Variants in PLCH1 observed in about 807,000 individuals in gnomAD.
PLCH1 encodes 1-phosphatidylinositol 4,5-bisphosphate phosphodiesterase eta-1.
A neutral mutation model predicts 126.7 loss-of-function variants in PLCH1; 60 were observed. The ratio of observed to expected loss-of-function variants is 0.47; its 90% confidence interval spans 0.38 to 0.59. The LOEUF (loss-of-function observed/expected upper bound fraction) is 0.59. Ranked by LOEUF, PLCH1 falls within the 20% of genes least tolerant of loss-of-function variation. The pLI is 0.00. For synonymous variants in PLCH1, 719 were observed against 734.9 expected (o/e 0.98, Z 0.35); for missense variants, 1,723 against 2,040.0 (o/e 0.84, Z 2.99).
Position 155,488,736 on chromosome 3 carries a change from G to A in PLCH1, c.2463C>T (p.Phe821=). The change falls in exon 20 of 23, where the codon TTC becomes TTT. Residue 821 remains phenylalanine (F), a synonymous_variant. Coordinates refer to ENST00000460012, the MANE Select transcript of PLCH1 (RefSeq NM_014996.4). ...CAATGGGATCGTGATCCCACACAAG[G>A]AACCGAACCAAAGCTATTTCTGGCA... ...VHMPEIALVR[F]LVWDHDPIGR... is the part of the protein sequence containing the mutation. 1 of 1,613,862 alleles carries A rather than the reference G, an allele frequency of 6.2e-7. No individual in the cohort carries two copies. The highest frequency in any genetic ancestry group is 8.5e-7 in the Non-Finnish European group (1 of 1,179,846).
chr3:155,712,366 A>C (rs530821955), intron 1 of PLCH1, among the ~76,000 whole-genome samples: 4 of 152,350 alleles, frequency 2.6e-5, no homozygotes, highest in Non-Finnish European at 5.9e-5. Flanking sequence ...TAAGCAAAGC[A>C]AAACACAAAA....
downstream of PLCH1, among the ~76,000 whole-genome samples, chr3:155,476,164 C>G (rs1035146653): frequency 4.6e-5 from 7 of 152,132 alleles, no homozygotes; most frequent in Admixed American, 3.3e-4. Flanking sequence ...GCAAATCAAT[C>G]AGTATGATAC....
chr3:155,626,863 C>G (rs1737372169), intron 2 of PLCH1, among the ~76,000 whole-genome samples: 2 of 148,584 alleles, frequency 1.3e-5, no homozygotes, highest in African/African-American at 2.5e-5. Context: ...AAACAATAGG[C>G]TAGGAGAACA....
At position 155,564,124 on chromosome 3, in the gene PLCH1, A is replaced by T. The variant is rs184945326; in HGVS notation, c.1069+791T>A. Among the ~76,000 whole-genome samples the T allele has an allele frequency of 4.2e-3, 636 of 151,382 alleles. 1 individual carries two copies. The highest frequency in any genetic ancestry group is 7.1e-3 in the Admixed American group (108 of 15,270). On this transcript the variant is annotated intron_variant, in intron 8 of 22. Coordinates refer to ENST00000460012, the MANE Select transcript of PLCH1 (RefSeq NM_014996.4). ...TACCATGCCTGGTTTATATTATTTT[A>T]TAAAAAAAATGTTCATCCCTTCTAC...
intron 21 of PLCH1, among the ~76,000 whole-genome samples, chr3:155,473,325 A>T (rs1295638010): frequency 2.0e-5 from 3 of 152,296 alleles, no homozygotes; most frequent in Admixed American, 2.0e-4. Flanking sequence ...CCCATTCACA[A>T]TTGCTTCAAA....
At chr3:155,739,880 G>A (rs1399632491) in intron 1 of PLCH1, among the ~76,000 whole-genome samples, 1 of 152,140 alleles carries the variant, frequency 6.6e-6, no homozygotes, top group African/African-American at 2.4e-5. Flanking sequence ...GTGCCATCAC[G>A]TTAGGAATAC....
At chr3:155,561,501 T>C (rs1727612941) in intron 8 of PLCH1, among the ~76,000 whole-genome samples, 1 of 151,778 alleles carries the variant, frequency 6.6e-6, no homozygotes, top group Non-Finnish European at 1.5e-5. Context: ...CCATGGTGTA[T>C]ATGTGCCACA....
In PLCH1 at chr3:155,485,510, C is replaced by T. The variant is rs902464897; in HGVS notation, c.2820G>A (p.Glu940=). The part of the protein sequence containing the change: ...EMVEIKDSVS[E]ATRDQDGVLR... ...GCACGCCATCTTGATCTCTTGTGGC[C>T]TCGGACACAGAATCCTTTATCTCCA... Residue 940 remains glutamate (E), a synonymous_variant, in exon 22 of 23, where the codon GAG becomes GAA. Coordinates refer to ENST00000460012, the MANE Select transcript of PLCH1 (RefSeq NM_014996.4). 6.2e-7 allele frequency: 1 copy of T among 1,614,178 alleles called. No homozygotes were observed. Among genetic ancestry groups the T allele is most frequent in the South Asian group, 1.1e-5 (1 of 91,080 alleles).
At chr3:155,720,567 A>T (rs934132803) in intron 1 of PLCH1, among the ~76,000 whole-genome samples, 2 of 151,360 alleles carry the variant, frequency 1.3e-5, no homozygotes, top group African/African-American at 4.8e-5. Context: ...TGATGGGATT[A>T]TTTGTTTTTT....
chr3:155,464,271 G>A (rs917292245), intron 21 of PLCH1, among the ~76,000 whole-genome samples: 2 of 152,284 alleles, frequency 1.3e-5, no homozygotes, highest in African/African-American at 4.8e-5. Flanking sequence ...CCAGGCTGCA[G>A]AAACACAAAT....
intron 2 of PLCH1, among the ~76,000 whole-genome samples, chr3:155,631,618 A>G (rs560116891): frequency 8.5e-5 from 13 of 152,350 alleles, no homozygotes; most frequent in Non-Finnish European, 1.8e-4. Flanking sequence ...CAGCACTCCA[A>G]TTGCTGATAA....
At chr3:155,659,201 A>C (rs764375431) in intron 2 of PLCH1, among the ~76,000 whole-genome samples, 7 of 150,368 alleles carry the variant, frequency 4.7e-5, no homozygotes, top group Non-Finnish European at 1.0e-4. Context: ...TCAGGACAAG[A>C]GATGATGTCT....
intron 2 of PLCH1, among the ~76,000 whole-genome samples, chr3:155,610,017 G>T (rs948421505): frequency 6.6e-6 from 1 of 152,094 alleles, no homozygotes; most frequent in African/African-American, 2.4e-5. Flanking sequence ...TAGAGAGCTA[G>T]ACATCCAAAT....
At chr3:155,666,938 G>T (rs1404361782) in intron 2 of PLCH1, among the ~76,000 whole-genome samples, 1 of 150,988 alleles carries the variant, frequency 6.6e-6, no homozygotes, top group Admixed American at 6.6e-5. Context: ...GTGCATGTGT[G>T]TGTAAGACAG....
At chr3:155,655,532 A>C (rs955052050) in intron 2 of PLCH1, among the ~76,000 whole-genome samples, 1 of 152,176 alleles carries the variant, frequency 6.6e-6, no homozygotes, top group Non-Finnish European at 1.5e-5. Flanking sequence ...CACTTTCAGA[A>C]TTCTCGCAGA....
chr3:155,602,932 C>A (rs1035283987), intron 2 of PLCH1, among the ~76,000 whole-genome samples: 7 of 152,130 alleles, frequency 4.6e-5, no homozygotes, highest in Non-Finnish European at 1.0e-4. Context: ...TTTGAAAGGA[C>A]CAACAGGCAA....
Position 155,732,032 on chromosome 3 carries a change from C to A in PLCH1, c.-41+12808G>T, listed in dbSNP as rs183933608. Among the ~76,000 whole-genome samples the A allele has an allele frequency of 4.4e-5, 6 of 136,618 alleles. No individual in the cohort carries two copies. In the East Asian group the frequency reaches 1.3e-3, roughly 29 times the overall value. The allele number at this position is 136,618 out of a possible 152,430, so 89.6% of individuals were successfully genotyped here. A position where few individuals can be genotyped will look rare whatever the true frequency, so the allele number is the denominator to read the frequency against. On this transcript the variant is annotated intron_variant, in intron 1 of 22. Coordinates refer to ENST00000460012, the MANE Select transcript of PLCH1 (RefSeq NM_014996.4). The stretch of plus-strand genomic sequence containing the variant: ...AGTCAGGGAAACATGACACCTCCAA[C>A]TGAACAAAATAAAACACTACTAACC...
At chr3:155,526,755 A>G (rs569625445) in intron 10 of PLCH1, among the ~76,000 whole-genome samples, 1 of 152,236 alleles carries the variant, frequency 6.6e-6, no homozygotes, top group East Asian at 1.9e-4. Context: ...GCTAAGCCAC[A>G]CCCAGGTTCC....
At chr3:155,529,804 T>C (rs1251219164) in intron 10 of PLCH1, among the ~76,000 whole-genome samples, 1 of 148,752 alleles carries the variant, frequency 6.7e-6, no homozygotes, top group Non-Finnish European at 1.5e-5. Context: ...TTTGCTCTTG[T>C]TGCCCAGGCT....
Sources: allele counts gnomAD v4.1 joint callset (sites outside exome capture counted in the v4.1 genomes callset), GRCh38; gene constraint gnomAD v4.1.1; transcripts MANE v1.5; gene names NCBI Gene and HGNC (gene_info 2026-07-23, HGNC 2026-07-21).